ARHGAP6: variants seen among roughly 807,000 people sequenced by gnomAD.
The protein encoded by ARHGAP6 is Rho GTPase activating protein 6.
ARHGAP6 carries 16 observed loss-of-function variants against 55.7 expected under a neutral mutation model. The ratio of observed to expected loss-of-function variants is 0.29; its 90% CI spans 0.19 to 0.44. The LOEUF (loss-of-function observed/expected upper bound fraction) is 0.44, where lower values mean the gene tolerates loss of function less well. ARHGAP6 is among the 20% of genes least tolerant of loss of function. ARHGAP6 has a pLI of 1.00. For missense variants in ARHGAP6, 698 were observed against 808.9 expected (o/e 0.86, Z 1.66); for synonymous variants, 382 against 360.9 (o/e 1.06, Z -0.66).
At chrX:11,204,940 T>C (rs1228633489) in intron 2 of ARHGAP6, among the ~76,000 whole-genome samples, 1 of 112,112 alleles carries the variant, frequency 8.9e-6, no homozygotes, top group Non-Finnish European at 1.9e-5. Context: ...TCCCAGCCTC[T>C]AGTCTCATCC....
rs957359989 is a variant in ARHGAP6, at chrX:11,660,557, A to C, written c.588+3684T>G. 1.3e-3 allele frequency among the ~76,000 whole-genome samples: 107 copies of C among 82,714 alleles called. 4 individuals carry two copies. Among genetic ancestry groups the C allele is most frequent in the African/African-American group, 3.5e-3 (83 of 23,599 alleles). The allele number at this position is 82,714 out of a possible 115,157, so 71.8% of individuals were successfully genotyped here. ...AAAAAAAAAAAAAAAAAAAAAAAAAAAAAAAAAAAAAAAAAAAAAAACCCA... is the reference window on the plus strand; with the variant it reads ...AAAAAAAAAAAAAAAAAAAAAAAAACAAAAAAAAAAAAAAAAAAAAACCCA... On this transcript the variant is annotated intron_variant, in intron 1 of 12. Coordinates refer to ENST00000337414, the MANE Select transcript of ARHGAP6 (RefSeq NM_013427.3).
At chrX:11,528,225 CTT>C (rs1162429701) in intron 1 of ARHGAP6, among the ~76,000 whole-genome samples, 1 of 112,117 alleles carries the variant, frequency 8.9e-6, no homozygotes, top group Non-Finnish European at 1.9e-5. Flanking sequence ...CTTCCAAAGT[CTT>C]ATTAAATTCA....
chrX:11,373,094 A>C (rs200212013), intron 1 of ARHGAP6, among the ~76,000 whole-genome samples: 11 of 98,858 alleles, frequency 1.1e-4, no homozygotes, highest in South Asian at 5.0e-4. Context: ...CACACACACA[A>C]ACACACACAC....
At chrX:11,530,359 C>A (rs1464662744) in intron 1 of ARHGAP6, among the ~76,000 whole-genome samples, 1 of 111,933 alleles carries the variant, frequency 8.9e-6, no homozygotes, top group Non-Finnish European at 1.9e-5. Flanking sequence ...TAAATATATT[C>A]ATAATATTGT....
chrX:11,600,409 G>A (rs1487950208), intron 1 of ARHGAP6, among the ~76,000 whole-genome samples: 2 of 112,069 alleles, frequency 1.8e-5, no homozygotes, highest in Non-Finnish European at 3.8e-5. Context: ...CGTTGCAGCA[G>A]AATAACAAAG....
chrX:11,628,697 A>T (rs1353212738), intron 1 of ARHGAP6, among the ~76,000 whole-genome samples: 1 of 112,286 alleles, frequency 8.9e-6, no homozygotes, highest in African/African-American at 3.2e-5. Flanking sequence ...GTCGCTAAAA[A>T]TCTGCTACGT....
At chrX:11,400,453 A>T (rs770089542) in intron 1 of ARHGAP6, among the ~76,000 whole-genome samples, 3 of 110,057 alleles carry the variant, frequency 2.7e-5, no homozygotes, top group African/African-American at 9.9e-5. Context: ...ATGAAAAAAA[A>T]AAGAACCAAC....
intron 1 of ARHGAP6, among the ~76,000 whole-genome samples, chrX:11,543,217 C>A (rs919683520): frequency 4.4e-5 from 5 of 112,711 alleles, no homozygotes; most frequent in Non-Finnish European, 9.4e-5. Context: ...TTCTATGTAA[C>A]CTCTCAGTTC....
chrX:11,558,775 G>T (rs1409130032), intron 1 of ARHGAP6, among the ~76,000 whole-genome samples: 2 of 91,994 alleles, frequency 2.2e-5, no homozygotes, highest in African/African-American at 4.1e-5. Context: ...GGCGGAGTTC[G>T]CAGTGAGCCG....
At chrX:11,625,284 GGA>G (rs2052282319) in intron 1 of ARHGAP6, among the ~76,000 whole-genome samples, 1 of 92,814 alleles carries the variant, frequency 1.1e-5, no homozygotes, top group South Asian at 5.0e-4. Flanking sequence ...AAGAAAATGT[GGA>G]GTGTGTGTGT....
chrX:11,142,153 T>G, intron 12 of ARHGAP6, 80 bp downstream of exon 12: 1 of 644,868 alleles, frequency 1.6e-6, no homozygotes, highest in Non-Finnish European at 2.3e-6. Context: ...TTGACAAGCA[T>G]GTAATATAAT....
chrX:11,312,406 T>C (rs1168101616), intron 1 of ARHGAP6, among the ~76,000 whole-genome samples: 1 of 111,840 alleles, frequency 8.9e-6, no homozygotes, highest in Non-Finnish European at 1.9e-5. Flanking sequence ...CAAAAAAACA[T>C]GGTGGTAAAT....
chrX:11,326,820 A>G (rs1247174426), intron 1 of ARHGAP6, among the ~76,000 whole-genome samples: 1 of 112,146 alleles, frequency 8.9e-6, no homozygotes, highest in Non-Finnish European at 1.9e-5. Flanking sequence ...TGAACTAAAC[A>G]CTTGTTAAAC....
In ARHGAP6 at chrX:11,282,293, A is replaced by G. The variant is rs768092177; in HGVS notation, c.589-27586T>C. 2.2e-4 allele frequency among the ~76,000 whole-genome samples: 25 copies of G among 112,112 alleles called. No homozygotes were observed. In the South Asian group the frequency reaches 9.4e-3, roughly 42 times the overall value. On this transcript the variant is annotated intron_variant, in intron 1 of 12. Transcript: ENST00000337414. ...AGCAGCCTCAAGTGGACTCTGTGAG[A>G]GACTCAACTGCAATGCAATATTCCT...
chrX:11,485,329 G>A (rs1255199638), intron 1 of ARHGAP6, among the ~76,000 whole-genome samples: 1 of 109,101 alleles, frequency 9.2e-6, no homozygotes, highest in East Asian at 2.9e-4. Context: ...TATTAGAAGA[G>A]AAGAGGGAGG....
chrX:11,138,673 G>A lies in ARHGAP6; in HGVS notation c.*190C>T, dbSNP rs777352812. 284 of 474,244 alleles carry A rather than the reference G, an allele frequency of 6.0e-4. No individual in the cohort carries two copies. Among genetic ancestry groups the A allele is most frequent in the Non-Finnish European group, 9.3e-4 (270 of 289,105 alleles). 39.1% of individuals were successfully genotyped at this position (474,244 alleles called of 1,213,427 possible). On this transcript the variant is annotated 3_prime_UTR_variant, in exon 13 of 13. Transcript: ENST00000337414. ...GTTTGTTTTTCCTAAGGCTGGCTAC[G>A]CAATGGAACCTTATTCTCAATGGCG...
chrX:11,628,410 T>C (rs946407665), intron 1 of ARHGAP6, among the ~76,000 whole-genome samples: 1 of 112,772 alleles, frequency 8.9e-6, no homozygotes, highest in African/African-American at 3.2e-5. Flanking sequence ...AGTGAATCTG[T>C]AAAGAGGGAA....
At chrX:11,228,012 A>G (rs1287350179) in intron 2 of ARHGAP6, among the ~76,000 whole-genome samples, 1 of 110,690 alleles carries the variant, frequency 9.0e-6, no homozygotes, top group African/African-American at 3.3e-5. Context: ...AACATACAAC[A>G]TTTTAGGGAC....
intron 1 of ARHGAP6, among the ~76,000 whole-genome samples, chrX:11,506,405 G>A (rs1432216819): frequency 3.9e-5 from 4 of 102,939 alleles, no homozygotes; most frequent in Admixed American, 2.1e-4. Flanking sequence ...CCCACCCCAC[G>A]ACAGGCCCCG....
Sources: gnomAD v4.1 joint callset for allele counts (sites outside exome capture counted in the v4.1 genomes callset) on GRCh38, gnomAD v4.1.1 for gene constraint, MANE v1.5 for transcripts, NCBI Gene and HGNC (gene_info 2026-07-23, HGNC 2026-07-21) for gene names.